Variants in STARD13 observed in about 807,000 individuals in gnomAD.
STARD13 encodes the protein StAR related lipid transfer domain containing 13, also known as stAR-related lipid transfer protein 13.
STARD13 carries 62 observed loss-of-function variants against 106.4 expected under a neutral mutation model. That is an observed-to-expected ratio of 0.58 (90% CI 0.48 to 0.72). STARD13 has a LOEUF of 0.72. Among genes scored for constraint, STARD13 ranks in the 30% least tolerant of loss-of-function variants. STARD13 has a pLI of 0.00. For synonymous variants in STARD13, 565 were observed against 553.0 expected (o/e 1.02, Z -0.31); for missense variants, 1,387 against 1,424.0 (o/e 0.97, Z 0.42).
the STARD13 span, among the ~76,000 whole-genome samples, chr13:33,521,920 A>G: frequency 6.6e-6 from 1 of 152,140 alleles, no homozygotes; most frequent in Non-Finnish European, 1.5e-5. Flanking sequence ...TCTTTAATAA[A>G]TTACATTCCC....
intron 1 of STARD13, among the ~76,000 whole-genome samples, chr13:33,235,077 A>G (rs748261690): frequency 6.6e-6 from 1 of 152,224 alleles, no homozygotes; most frequent in African/African-American, 2.4e-5. Context: ...TCTTCAAACT[A>G]GCATCAGGAA....
At chr13:33,504,109 G>A in the STARD13 span, among the ~76,000 whole-genome samples, 3 of 152,124 alleles carry the variant, frequency 2.0e-5, no homozygotes, top group Non-Finnish European at 4.4e-5. Context: ...GAAACAATGG[G>A]TGCTGGAGCG....
At chr13:33,205,911 T>C (rs1594104724) in intron 1 of STARD13, 2 of 985,416 alleles carry the variant, frequency 2.0e-6, no homozygotes, top group East Asian at 1.1e-4. Flanking sequence ...AAACTGCTCC[T>C]CAGAAACTGA....
intron 1 of STARD13, among the ~76,000 whole-genome samples, chr13:33,233,139 C>A (rs1023903082): frequency 5.9e-5 from 9 of 152,234 alleles, no homozygotes; most frequent in Non-Finnish European, 1.3e-4. Flanking sequence ...GAAACCCCAA[C>A]TCCAAGCCAA....
At chr13:33,626,612 A>C in the STARD13 span, among the ~76,000 whole-genome samples, 1 of 152,236 alleles carries the variant, frequency 6.6e-6, no homozygotes, top group African/African-American at 2.4e-5. Flanking sequence ...TATTTTAGAA[A>C]GTGTAGGAAA....
chr13:33,520,995 A>G, the STARD13 span, among the ~76,000 whole-genome samples: 1 of 152,106 alleles, frequency 6.6e-6, no homozygotes. Context: ...CACTGAGCAC[A>G]GGTGGCCTTG....
chr13:33,495,381 T>C, the STARD13 span, among the ~76,000 whole-genome samples: 1 of 152,162 alleles, frequency 6.6e-6, no homozygotes, highest in African/African-American at 2.4e-5. Flanking sequence ...AATGCTAACT[T>C]ATCAAATAAT....
intron 3 of STARD13, among the ~76,000 whole-genome samples, chr13:33,146,874 GA>G (rs1206676512): frequency 6.6e-6 from 1 of 152,150 alleles, no homozygotes; most frequent in Admixed American, 6.5e-5. Flanking sequence ...AGCTTTTCAG[GA>G]GCTTTGAAAA....
intron 1 of STARD13, among the ~76,000 whole-genome samples, chr13:33,257,052 T>A (rs981396894): frequency 1.3e-5 from 2 of 152,210 alleles, no homozygotes; most frequent in African/African-American, 2.4e-5. Context: ...GGAAAAGTTT[T>A]CAGACATAAA....
chr13:33,260,808 AT>A (rs543357080), intron 1 of STARD13, among the ~76,000 whole-genome samples: 1 of 152,174 alleles, frequency 6.6e-6, no homozygotes, highest in Non-Finnish European at 1.5e-5. Flanking sequence ...AATAAACAGG[AT>A]TTTTTTCCCT....
intron 1 of STARD13, among the ~76,000 whole-genome samples, chr13:33,275,050 C>T (rs534663154): frequency 3.9e-5 from 6 of 152,254 alleles, no homozygotes; most frequent in African/African-American, 9.6e-5. Flanking sequence ...TAAAGTTCAA[C>T]GGGCTTTACT....
At chr13:33,420,405 T>C in the STARD13 span, among the ~76,000 whole-genome samples, 1 of 152,256 alleles carries the variant, frequency 6.6e-6, no homozygotes, top group Non-Finnish European at 1.5e-5. Context: ...AAGAGCTAAC[T>C]ATCCTAAATA....
chr13:33,117,311 A>G (rs1875531071), intron 8 of STARD13, among the ~76,000 whole-genome samples: 1 of 152,162 alleles, frequency 6.6e-6, no homozygotes, highest in Admixed American at 6.6e-5. Flanking sequence ...GGGTTTCACC[A>G]TGTTGGCCAG....
At chr13:33,338,917 A>G (rs1294886758) in intron 1 of STARD13, among the ~76,000 whole-genome samples, 1 of 150,488 alleles carries the variant, frequency 6.6e-6, no homozygotes, top group East Asian at 1.9e-4. Flanking sequence ...AAAGAAAGAT[A>G]CAGGAACAAA....
intron 1 of STARD13, among the ~76,000 whole-genome samples, chr13:33,262,662 A>ACACACACAACACACACACACAC (rs5802678): frequency 8.7e-6 from 1 of 114,900 alleles, no homozygotes; most frequent in African/African-American, 3.3e-5. Context: ...ACACACACAC[A>ACACACACAACACACACACACAC]ACACACACAC....
chr13:33,328,810 A>T (rs1434354293), intron 1 of STARD13, among the ~76,000 whole-genome samples: 1 of 152,232 alleles, frequency 6.6e-6, no homozygotes, highest in Admixed American at 6.5e-5. Context: ...GTTCTCTAAC[A>T]GTTCACTGCC....
At chr13:33,312,456 T>C (rs1893174622) in intron 1 of STARD13, among the ~76,000 whole-genome samples, 1 of 152,154 alleles carries the variant, frequency 6.6e-6, no homozygotes, top group Non-Finnish European at 1.5e-5. Context: ...CTCCGGCCTT[T>C]TCTGCCCTCA....
chr13:33,334,367 G>A (rs1175421820), intron 1 of STARD13, among the ~76,000 whole-genome samples: 1 of 152,158 alleles, frequency 6.6e-6, no homozygotes, highest in Non-Finnish European at 1.5e-5. Context: ...ATGGAAAAGG[G>A]GGAAACTTGA....
In STARD13 at chr13:33,313,241, GA is replaced by G. The variant is rs61606437; in HGVS notation, c.124+37048del. ...TTTTAGTAAACAGGATATTTGGAAT[GA>G]AAAAAATGTGTTATCCAAGGGGAAA... is the stretch of plus-strand genomic sequence containing the variant. On this transcript the variant is annotated intron_variant, in intron 1 of 5. Coordinates refer to the STARD13 transcript ENST00000567873. Among the ~76,000 whole-genome samples, 3 of 152,044 alleles carry G rather than the reference GA, an allele frequency of 2.0e-5. No individual in the cohort carries two copies. The East Asian group carries it at 5.8e-4, about 29-fold the overall frequency.
Sources: gnomAD v4.1 joint callset for allele counts (sites outside exome capture counted in the v4.1 genomes callset) on GRCh38, gnomAD v4.1.1 for gene constraint, MANE v1.5 for transcripts, NCBI Gene and HGNC (gene_info 2026-07-23, HGNC 2026-07-21) for gene names.